LRRTM4: variants seen among roughly 807,000 people sequenced by gnomAD.
LRRTM4 encodes leucine-rich repeat transmembrane neuronal protein 4.
Under a neutral mutation model 47.6 loss-of-function variants are expected in LRRTM4, and 25 were observed. That is an observed-to-expected ratio of 0.53 (90% CI 0.38 to 0.73). The LOEUF is 0.73. LRRTM4 is among the 30% of genes least tolerant of loss of function. LRRTM4 has a pLI of 0.00. For synonymous variants in LRRTM4, 311 were observed against 269.5 expected, an observed-to-expected ratio of 1.15 and a Z score of -1.51; for missense variants, 638 against 713.4, an observed-to-expected ratio of 0.89 and a Z score of 1.20.
rs1468282102 is a variant in LRRTM4 at position 76,777,696 on chromosome 2, C to G, written c.1552-28780G>C. ...GGGTTTTCTAGATATACAATCATGT[C>G]GTCTGCAAACAGGGACAATTTGACT... is the stretch of plus-strand genomic sequence containing the variant. On this transcript the variant is annotated intron_variant, in intron 3 of 3. Coordinates refer to ENST00000409884, the MANE Select transcript of LRRTM4 (RefSeq NM_001134745.3). Among the ~76,000 whole-genome samples the G allele has an allele frequency of 4.0e-5, 6 of 150,452 alleles. No individual in the cohort carries two copies. In the South Asian group the frequency reaches 1.3e-3, roughly 32 times the overall value.
At chr2:77,226,080 G>A (rs1381999915) in intron 3 of LRRTM4, among the ~76,000 whole-genome samples, 1 of 151,380 alleles carries the variant, frequency 6.6e-6, no homozygotes, top group Non-Finnish European at 1.5e-5. Context: ...TTGTTTTAAA[G>A]TATTTTGTTT....
chr2:77,100,840 C>A (rs1670933039), intron 3 of LRRTM4, among the ~76,000 whole-genome samples: 2 of 147,592 alleles, frequency 1.4e-5, no homozygotes, highest in African/African-American at 5.0e-5. Flanking sequence ...TAAAGTAGCT[C>A]TGATTCTTTT....
intron 3 of LRRTM4, among the ~76,000 whole-genome samples, chr2:77,189,744 A>G (rs1199053914): frequency 6.6e-6 from 1 of 150,750 alleles, no homozygotes; most frequent in Non-Finnish European, 1.5e-5. Flanking sequence ...TATACTTTAT[A>G]TATACTTTAT....
At position 77,282,544 on chromosome 2, in the gene LRRTM4, T is replaced by C. The variant is rs1038264022; in HGVS notation, c.1551+235774A>G. Among the ~76,000 whole-genome samples the C allele has an allele frequency of 4.6e-5, 7 of 151,866 alleles. No homozygotes were observed. In the East Asian group the frequency reaches 1.2e-3, roughly 25 times the overall value. On this transcript the variant is annotated intron_variant, in intron 3 of 3. Transcript: ENST00000409884. ...AACAGAAAAAGAGCCAAATCAATCC[T>C]AAGCAAAAAGAACAAAGCCAGAGGC... is the stretch of plus-strand genomic sequence containing the variant.
chr2:76,779,474 G>C (rs562545520), intron 3 of LRRTM4, among the ~76,000 whole-genome samples: 62 of 146,910 alleles, frequency 4.2e-4, no homozygotes, highest in African/African-American at 1.5e-3. Context: ...ATTTAGGATA[G>C]TTAGCTCTTC....
rs371441512 is a variant in LRRTM4 at position 77,294,176 on chromosome 2, A to T, written c.1551+224142T>A. 1.6e-4 allele frequency among the ~76,000 whole-genome samples: 24 copies of T among 152,064 alleles called. No homozygotes were observed. In the South Asian group the frequency reaches 4.3e-3, roughly 28 times the overall value. ...GTTTTTGTTTTTTGGATTTTTATTAAAGTATATTTTCTACTTCAGATGGCA... is the reference window on the plus strand; with the variant it reads ...GTTTTTGTTTTTTGGATTTTTATTATAGTATATTTTCTACTTCAGATGGCA... On this transcript the variant is annotated intron_variant, in intron 3 of 3. Coordinates refer to ENST00000409884, the MANE Select transcript of LRRTM4 (RefSeq NM_001134745.3).
At chr2:77,409,579 C>T (rs1009388763) in intron 3 of LRRTM4, among the ~76,000 whole-genome samples, 10 of 152,108 alleles carry the variant, frequency 6.6e-5, no homozygotes, top group Non-Finnish European at 2.9e-5. Flanking sequence ...TCTTGTTTCT[C>T]TGTGTGTGTT....
intron 3 of LRRTM4, among the ~76,000 whole-genome samples, chr2:77,420,984 A>C (rs1207844470): frequency 6.6e-6 from 1 of 150,646 alleles, no homozygotes; most frequent in Non-Finnish European, 1.5e-5. Flanking sequence ...TCCTTGGAGA[A>C]ATAGTGGGCC....
intron 3 of LRRTM4, among the ~76,000 whole-genome samples, chr2:76,937,729 G>C (rs571758336): frequency 6.6e-6 from 1 of 152,036 alleles, no homozygotes; most frequent in East Asian, 1.9e-4. Context: ...ACCACACCGG[G>C]CTAATTTTTT....
chr2:76,908,640 CAA>C (rs1273337938), intron 3 of LRRTM4, among the ~76,000 whole-genome samples: 2 of 152,154 alleles, frequency 1.3e-5, no homozygotes, highest in Non-Finnish European at 2.9e-5. Context: ...GCAACTTCAG[CAA>C]AGTTTCAGGA....
chr2:77,217,198 A>G (rs1674472380), intron 3 of LRRTM4, among the ~76,000 whole-genome samples: 1 of 151,348 alleles, frequency 6.6e-6, no homozygotes, highest in African/African-American at 2.4e-5. Context: ...TTTGATGTAC[A>G]ACTATTGTTG....
intron 3 of LRRTM4, among the ~76,000 whole-genome samples, chr2:77,011,148 T>C (rs1298705202): frequency 6.6e-6 from 1 of 152,094 alleles, no homozygotes; most frequent in Middle Eastern, 3.2e-3. Flanking sequence ...AATCATGTCT[T>C]AGTAAAAAGA....
At chr2:77,409,198 C>A (rs148051588) in intron 3 of LRRTM4, among the ~76,000 whole-genome samples, 50 of 144,130 alleles carry the variant, frequency 3.5e-4, no homozygotes, top group African/African-American at 1.3e-3. Context: ...TATACAACAT[C>A]GTTTATTCAG....
intron 3 of LRRTM4, among the ~76,000 whole-genome samples, chr2:76,949,978 A>G (rs965978502): frequency 6.6e-6 from 1 of 151,942 alleles, no homozygotes; most frequent in Non-Finnish European, 1.5e-5. Context: ...GACAAAATAT[A>G]TAAAACTGGT....
intron 3 of LRRTM4, among the ~76,000 whole-genome samples, chr2:76,828,878 T>G (rs1364242177): frequency 2.0e-5 from 3 of 151,962 alleles, no homozygotes. Context: ...GCTGTACATT[T>G]TTCTTTAATC....
chr2:77,278,093 T>C (rs898842101), intron 3 of LRRTM4, among the ~76,000 whole-genome samples: 1 of 151,942 alleles, frequency 6.6e-6, no homozygotes, highest in Admixed American at 6.6e-5. Flanking sequence ...TCACATGGCA[T>C]AGTGAAAAGA....
intron 3 of LRRTM4, among the ~76,000 whole-genome samples, chr2:77,020,808 G>A (rs1309104837): frequency 1.3e-5 from 2 of 152,174 alleles, no homozygotes; most frequent in Non-Finnish European, 2.9e-5. Context: ...CGAAGATGCT[G>A]AGAATTCCAT....
At chr2:76,751,747 G>A (rs916972099) in intron 3 of LRRTM4, among the ~76,000 whole-genome samples, 2 of 152,090 alleles carry the variant, frequency 1.3e-5, no homozygotes, top group African/African-American at 2.4e-5. Flanking sequence ...AGATATGTGG[G>A]ATTGGTGCCA....
chr2:76,956,931 A>G (rs1442730978), intron 3 of LRRTM4, among the ~76,000 whole-genome samples: 1 of 151,618 alleles, frequency 6.6e-6, no homozygotes, highest in Non-Finnish European at 1.5e-5. Context: ...AAGAAAGTTG[A>G]ATAAGTGATC....
Sources: gnomAD v4.1 joint callset for allele counts (sites outside exome capture counted in the v4.1 genomes callset) on GRCh38, gnomAD v4.1.1 for gene constraint, MANE v1.5 for transcripts, NCBI Gene and HGNC (gene_info 2026-07-23, HGNC 2026-07-21) for gene names.